Variants in ZNF329 observed in about 807,000 individuals in gnomAD.
ZNF329 encodes the protein zinc finger protein 329.
A neutral mutation model predicts 26.6 loss-of-function variants in ZNF329; 15 were observed. That is an observed-to-expected ratio of 0.56 (90% CI 0.38 to 0.87). The LOEUF (loss-of-function observed/expected upper bound fraction) is 0.87. Ranked by LOEUF, ZNF329 falls within the 40% of genes least tolerant of loss-of-function variation. ZNF329 has a pLI of 0.00. For synonymous variants in ZNF329, 239 were observed against 233.5 expected (o/e 1.02, Z -0.21); for missense variants, 651 against 651.9 (o/e 1.00, Z 0.02).
At chr19:58,144,291 C>A (rs973950893) in intron 1 of ZNF329, among the ~76,000 whole-genome samples, 1 of 151,320 alleles carries the variant, frequency 6.6e-6, no homozygotes, top group Non-Finnish European at 1.5e-5. Context: ...TCTCTTGCCT[C>A]AGCCTCCTGA....
chr19:58,129,344 G>C lies in ZNF329; in HGVS notation c.160C>G (p.Leu54Val), dbSNP rs1188813683. The C allele has an allele frequency of 8.7e-6, 14 of 1,614,186 alleles. No individual in the cohort carries two copies. Among genetic ancestry groups the C allele is most frequent in the Non-Finnish European group, 1.2e-5 (14 of 1,180,040 alleles). ...EGHLRQSALT[L>V]EKPGTQEAIC... Reference sequence around the variant, plus strand: ...GCTTCCTGAGTCCCTGGTTTCTCCAGAGTTAAAGCTGATTGCCTCAAGTGT... The same window carrying C: ...GCTTCCTGAGTCCCTGGTTTCTCCACAGTTAAAGCTGATTGCCTCAAGTGT... Residue 54 changes from leucine (L) to valine (V), a missense_variant, in exon 4 of 4, where the codon CTG becomes GTG. Leu to Val is a conservative substitution (Grantham distance 32, BLOSUM62 1). Transcript: ENST00000598312.
upstream of ZNF329, among the ~76,000 whole-genome samples, chr19:58,151,264 A>T (rs113544201): frequency 5.0e-3 from 765 of 152,324 alleles, 6 homozygotes; most frequent in African/African-American, 0.016. Context: ...TCATTCTTTC[A>T]GTGGTTCTCT....
Position 58,127,351 on chromosome 19 carries a change from A to C in ZNF329, c.*527T>G, listed in dbSNP as rs1388638837. The stretch of plus-strand genomic sequence containing the variant: ...CCCTGTCTCTACTAAAAATAGAAAA[A>C]ATTAGCCAGGCATGGTGGCAGGCAC... On this transcript the variant is annotated 3_prime_UTR_variant, in exon 4 of 4. Coordinates refer to ENST00000598312, the MANE Select transcript of ZNF329 (RefSeq NM_024620.4). 6.6e-6 allele frequency: 1 copy of C among 152,250 alleles called. No individual in the cohort carries two copies. Among genetic ancestry groups the C allele is most frequent in the Non-Finnish European group, 1.5e-5 (1 of 68,110 alleles). 9.4% of individuals were successfully genotyped at this position (152,250 alleles called of 1,614,324 possible). A position where few individuals can be genotyped will look rare whatever the true frequency, so the allele number is the denominator to read the frequency against.
intron 3 of ZNF329, among the ~76,000 whole-genome samples, chr19:58,130,302 G>A (rs570514928): frequency 2.8e-4 from 42 of 150,972 alleles, no homozygotes; most frequent in East Asian, 9.9e-4. Flanking sequence ...CAGCCTACGC[G>A]GCAGAGTGAG....
chr19:58,150,792 T>C (rs552602861), upstream of ZNF329: 72 of 152,850 alleles, frequency 4.7e-4, no homozygotes, highest in African/African-American at 1.5e-3. Flanking sequence ...GCGATTGCGC[T>C]TGCGCGGCTG....
chr19:58,144,396 ATT>A (rs367570171), intron 1 of ZNF329, among the ~76,000 whole-genome samples: 1 of 127,662 alleles, frequency 7.8e-6, no homozygotes, highest in Admixed American at 8.3e-5. Flanking sequence ...ATATATATAT[ATT>A]TTTTTTTTGA....
chr19:58,154,855 C>G (rs978900837), upstream of ZNF329: 1 of 152,462 alleles, frequency 6.6e-6, no homozygotes, highest in African/African-American at 2.4e-5. Context: ...AAGGCGGGAT[C>G]TGGGGACGAT....
At chr19:58,139,514 A>C (rs1364911213) in intron 3 of ZNF329, among the ~76,000 whole-genome samples, 3 of 152,174 alleles carry the variant, frequency 2.0e-5, no homozygotes, top group African/African-American at 7.2e-5. Context: ...CCACCTTCTC[A>C]GTGTGCCTTC....
chr19:58,137,684 C>T (rs1195352019), intron 3 of ZNF329, among the ~76,000 whole-genome samples: 4 of 151,774 alleles, frequency 2.6e-5, no homozygotes, highest in African/African-American at 7.3e-5. Context: ...AAGAAAAAGG[C>T]CAGACATGGT....
Position 58,127,418 on chromosome 19 carries a change from C to T in ZNF329, c.*460G>A, listed in dbSNP as rs1054755618. ...TTTGGAGGCTGAGGCAGGAGAACTG[C>T]TTGAACCTGGGAGGCAGAGGTTGCT... is the stretch of plus-strand genomic sequence containing the variant. On this transcript the variant is annotated 3_prime_UTR_variant, in exon 4 of 4. Transcript: ENST00000598312. The T allele has an allele frequency of 6.5e-6, 1 of 153,040 alleles. No individual in the cohort carries two copies. Among genetic ancestry groups the T allele is most frequent in the Admixed American group, 6.6e-5 (1 of 15,266 alleles). 9.5% of individuals were successfully genotyped at this position (153,040 alleles called of 1,614,324 possible).
chr19:58,143,820 C>T (rs2146111863), intron 1 of ZNF329, among the ~76,000 whole-genome samples: 1 of 152,224 alleles, frequency 6.6e-6, no homozygotes, highest in East Asian at 1.9e-4. Context: ...GTGGCTCACA[C>T]TTATAATCCC....
At chr19:58,140,241 T>C (rs1033002656) in intron 3 of ZNF329, among the ~76,000 whole-genome samples, 6 of 152,260 alleles carry the variant, frequency 3.9e-5, no homozygotes, top group African/African-American at 7.2e-5. Context: ...CAGAATTGTA[T>C]TGATTCTTTA....
At chr19:58,151,477 T>G (rs938539283), upstream of ZNF329, among the ~76,000 whole-genome samples, 1 of 151,958 alleles carries the variant, frequency 6.6e-6, no homozygotes, top group Non-Finnish European at 1.5e-5. Context: ...GGCAGGCGCC[T>G]GTAATCCCAG....
intron 1 of ZNF329, among the ~76,000 whole-genome samples, chr19:58,149,883 A>C (rs558919639): frequency 6.6e-6 from 1 of 152,330 alleles, no homozygotes; most frequent in South Asian, 2.1e-4. Flanking sequence ...ACTCTAATTC[A>C]TGGTAAGCAT....
intron 1 of ZNF329, among the ~76,000 whole-genome samples, chr19:58,150,182 T>A (rs8109043): frequency 0.063 from 9,599 of 152,064 alleles, 397 homozygotes; most frequent in Middle Eastern, 0.14. Context: ...CGTGCAAAAA[T>A]GCGGCCCTCA....
At chr19:58,137,369 C>T (rs892691822) in intron 3 of ZNF329, among the ~76,000 whole-genome samples, 23 of 152,142 alleles carry the variant, frequency 1.5e-4, no homozygotes, top group African/African-American at 5.5e-4. Context: ...GCCTGATCAA[C>T]AAGGTGACAC....
At chr19:58,142,441 C>T (rs1432293766) in intron 3 of ZNF329, 116 bp downstream of exon 3, 3 of 152,612 alleles carry the variant, frequency 2.0e-5, no homozygotes, top group Admixed American at 6.5e-5. Context: ...AGGGTCAGAA[C>T]CACTAGTCTA....
In ZNF329 at chr19:58,128,858, A is replaced by G. The variant is rs770398279; in HGVS notation, c.646T>C (p.Ser216Pro). 1.2e-6 allele frequency: 2 copies of G among 1,612,538 alleles called. No homozygotes were observed. Among genetic ancestry groups the G allele is most frequent in the Non-Finnish European group, 1.7e-6 (2 of 1,179,510 alleles). The change falls in exon 4 of 4, where the codon TCT becomes CCT. Residue 216 changes from serine to proline, a missense_variant. Transcript: ENST00000598312. Reference sequence around the variant, plus strand: ...GTTCGGTGATGCAAAACAAGAGAAGAGTTCCGTTTGAAGCATTTGCCACAT... The same window carrying G: ...GTTCGGTGATGCAAAACAAGAGAAGGGTTCCGTTTGAAGCATTTGCCACAT... ...TECGKCFKRN[S>P]SLVLHHRTHT... is the part of the protein sequence containing the mutation.
chr19:58,150,153 G>A (rs1184775488), intron 1 of ZNF329, among the ~76,000 whole-genome samples: 2 of 152,198 alleles, frequency 1.3e-5, no homozygotes, highest in African/African-American at 2.4e-5. Context: ...GGAAAAGACA[G>A]CAAAATGGTC....
Sources: gnomAD v4.1 joint callset for allele counts (sites outside exome capture counted in the v4.1 genomes callset) on GRCh38, gnomAD v4.1.1 for gene constraint, MANE v1.5 for transcripts, NCBI Gene and HGNC (gene_info 2026-07-23, HGNC 2026-07-21) for gene names.